The following ASIC2 variants were observed in gnomAD, a reference collection of about 807,000 sequenced individuals.
The protein encoded by ASIC2 is acid sensing ion channel subunit 2, also known as acid-sensing ion channel 2.
Under a neutral mutation model 57.3 loss-of-function variants are expected in ASIC2, and 25 were observed. The observed-to-expected ratio is 0.44, with a 90% CI of 0.32 to 0.61. The LOEUF is 0.61. ASIC2 is among the 20% of genes least tolerant of loss of function. The pLI, the probability that ASIC2 is intolerant of heterozygous loss-of-function variation, is 0.06. For missense variants in ASIC2, 641 were observed against 738.1 expected (o/e 0.87, Z 1.52); for synonymous variants, 319 against 307.5 (o/e 1.04, Z -0.39).
chr17:33,215,845 G>A (rs1163603598), intron 1 of ASIC2, among the ~76,000 whole-genome samples: 3 of 152,144 alleles, frequency 2.0e-5, no homozygotes, highest in South Asian at 4.2e-4. Flanking sequence ...GACTACAGGC[G>A]CCCGCCACCT....
At chr17:33,189,413 A>T (rs531164358) in intron 1 of ASIC2, among the ~76,000 whole-genome samples, 101 of 152,304 alleles carry the variant, frequency 6.6e-4, no homozygotes, top group African/African-American at 2.4e-3. Context: ...TGGAAAAGGG[A>T]ACAAAGACCA....
intron 1 of ASIC2, among the ~76,000 whole-genome samples, chr17:34,076,399 C>T (rs1279804194): frequency 6.6e-6 from 1 of 152,126 alleles, no homozygotes; most frequent in Non-Finnish European, 1.5e-5. Context: ...ACTAGCACTT[C>T]CAATCCCCTC....
At chr17:33,530,154 G>A (rs142218988) in intron 1 of ASIC2, 6 of 152,324 alleles carry the variant, frequency 3.9e-5, no homozygotes, top group East Asian at 3.9e-4. Flanking sequence ...TGGCCCTTGT[G>A]TAAGAACGAG....
chr17:33,164,746 G>A (rs1446964824), intron 1 of ASIC2, among the ~76,000 whole-genome samples: 13 of 152,194 alleles, frequency 8.5e-5, no homozygotes, highest in Admixed American at 8.5e-4. Flanking sequence ...GTCAGGCCCT[G>A]TCCTGGAACT....
chr17:33,037,219 A>G (rs956099079), intron 3 of ASIC2, among the ~76,000 whole-genome samples: 3 of 151,678 alleles, frequency 2.0e-5, no homozygotes, highest in African/African-American at 7.3e-5. Flanking sequence ...TGGAAGGACT[A>G]ATCATGCCTT....
intron 1 of ASIC2, among the ~76,000 whole-genome samples, chr17:34,079,440 T>C (rs889563315): frequency 2.6e-5 from 4 of 152,226 alleles, no homozygotes; most frequent in African/African-American, 7.2e-5. Flanking sequence ...TCTAGGACTA[T>C]ATCCTTTCAG....
chr17:33,881,444 A>G (rs1914698112), intron 1 of ASIC2, among the ~76,000 whole-genome samples: 1 of 152,216 alleles, frequency 6.6e-6, no homozygotes, highest in Non-Finnish European at 1.5e-5. Flanking sequence ...TGCAAAAATC[A>G]CAAGCATTCT....
intron 7 of ASIC2, among the ~76,000 whole-genome samples, chr17:33,018,969 G>A (rs934734757): frequency 5.9e-5 from 9 of 152,124 alleles, no homozygotes; most frequent in African/African-American, 1.9e-4. Context: ...CCACATGCCC[G>A]GGTGAACAAC....
intron 1 of ASIC2, among the ~76,000 whole-genome samples, chr17:33,511,922 C>A (rs1364657288): frequency 1.3e-5 from 2 of 152,194 alleles, no homozygotes; most frequent in African/African-American, 2.4e-5. Context: ...CAGGAAGCAG[C>A]TCATGTGGTA....
At chr17:33,572,904 T>C (rs1916497453) in intron 1 of ASIC2, among the ~76,000 whole-genome samples, 1 of 152,222 alleles carries the variant, frequency 6.6e-6, no homozygotes, top group Admixed American at 6.5e-5. Flanking sequence ...CCTTCAACCA[T>C]GCACACTGCC....
At chr17:33,247,764 G>A (rs1411356028) in intron 1 of ASIC2, among the ~76,000 whole-genome samples, 6 of 152,132 alleles carry the variant, frequency 3.9e-5, no homozygotes. Context: ...TAAGAACAAA[G>A]GCGGGTAAGT....
chr17:34,024,125 G>A (rs1265849060), intron 1 of ASIC2, among the ~76,000 whole-genome samples: 2 of 152,186 alleles, frequency 1.3e-5, no homozygotes, highest in African/African-American at 4.8e-5. Flanking sequence ...GGGCTCTTGA[G>A]AACCTGGACT....
Position 33,964,623 on chromosome 17 carries a change from A to G in ASIC2, c.555+191355T>C, listed in dbSNP as rs139491323. 8.5e-3 allele frequency among the ~76,000 whole-genome samples: 1,296 copies of G among 152,344 alleles called. 28 individuals carry two copies. Among genetic ancestry groups the G allele is most frequent in the African/African-American group, 0.029 (1,188 of 41,574 alleles). ...TTTCTTTCACTTTCATCCTTGTGTCATTAGAAGCCCAGTTCCTCTTGACAG... is the reference window on the plus strand; with the variant it reads ...TTTCTTTCACTTTCATCCTTGTGTCGTTAGAAGCCCAGTTCCTCTTGACAG... On this transcript the variant is annotated intron_variant, in intron 1 of 9. Transcript: ENST00000359872.
At chr17:33,058,470 CAAAAA>C (rs10612611) in intron 3 of ASIC2, among the ~76,000 whole-genome samples, 15 of 109,684 alleles carry the variant, frequency 1.4e-4, no homozygotes, top group Middle Eastern at 4.6e-3. Flanking sequence ...TCTGAGAAGT[CAAAAA>C]AAAAAAAAAA....
chr17:33,234,589 C>A (rs1249638382), intron 1 of ASIC2, among the ~76,000 whole-genome samples: 1 of 152,204 alleles, frequency 6.6e-6, no homozygotes, highest in East Asian at 1.9e-4. Context: ...GCACCTTAGA[C>A]TGTGTGGCTT....
intron 1 of ASIC2, among the ~76,000 whole-genome samples, chr17:33,968,917 G>A (rs1460551377): frequency 6.6e-6 from 1 of 152,246 alleles, no homozygotes; most frequent in Admixed American, 6.5e-5. Flanking sequence ...AGGTGGTGAA[G>A]GGTGGTCAGC....
intron 1 of ASIC2, among the ~76,000 whole-genome samples, chr17:33,603,076 C>G (rs1409133811): frequency 2.6e-5 from 4 of 152,224 alleles, no homozygotes; most frequent in Non-Finnish European, 4.4e-5. Context: ...CCTCCAGAAG[C>G]CCCATCTTCC....
intron 1 of ASIC2, among the ~76,000 whole-genome samples, chr17:33,759,910 C>A (rs936079402): frequency 1.3e-5 from 2 of 152,158 alleles, no homozygotes; most frequent in Non-Finnish European, 2.9e-5. Context: ...AGGGGTAGAG[C>A]CACCACAAAG....
chr17:33,379,459 A>G (rs1036317609), intron 1 of ASIC2, among the ~76,000 whole-genome samples: 3 of 152,202 alleles, frequency 2.0e-5, no homozygotes, highest in African/African-American at 4.8e-5. Context: ...CCACATATCC[A>G]GATTTTATAG....
Sources: allele counts gnomAD v4.1 joint callset (sites outside exome capture counted in the v4.1 genomes callset), GRCh38; gene constraint gnomAD v4.1.1; transcripts MANE v1.5; gene names NCBI Gene and HGNC (gene_info 2026-07-23, HGNC 2026-07-21).